The following UQCC1 variants were observed in gnomAD, a reference collection of about 807,000 sequenced individuals.
UQCC1 encodes bFGF-repressed Zic-binding protein.
UQCC1 carries 38 observed loss-of-function variants against 48.0 expected under a neutral mutation model. The observed-to-expected ratio is 0.79, with a 90% CI of 0.61 to 1.04. UQCC1 has a LOEUF of 1.04. Among genes scored for constraint, UQCC1 ranks in the 50% least tolerant of loss-of-function variants. The pLI, the probability that UQCC1 is intolerant of heterozygous loss-of-function variation, is 0.00. For synonymous variants in UQCC1, 111 were observed against 129.2 expected (o/e 0.86, Z 0.95); for missense variants, 368 against 381.8 (o/e 0.96, Z 0.30).
intron 1 of UQCC1, among the ~76,000 whole-genome samples, chr20:35,410,311 A>T (rs1170877785): frequency 6.6e-6 from 1 of 151,736 alleles, no homozygotes; most frequent in Non-Finnish European, 1.5e-5. Flanking sequence ...CAGGAGGCGG[A>T]TCATGAGGTC....
chr20:35,382,573 C>T (rs1263103627), intron 3 of UQCC1, among the ~76,000 whole-genome samples: 2 of 131,468 alleles, frequency 1.5e-5, no homozygotes, highest in African/African-American at 3.0e-5. Context: ...AGTGCAGTGG[C>T]GAGATCTCGG....
At chr20:35,390,385 G>A (rs2061999276) in intron 2 of UQCC1, among the ~76,000 whole-genome samples, 1 of 149,684 alleles carries the variant, frequency 6.7e-6, no homozygotes, top group African/African-American at 2.5e-5. Context: ...TTGCACCACT[G>A]CATTCCAGCC....
At position 35,313,201 on chromosome 20, in the gene UQCC1, C is replaced by T. The variant is rs540944329; in HGVS notation, c.651+1487G>A. On this transcript the variant is annotated intron_variant, in intron 8 of 9. Transcript: ENST00000374385. The stretch of plus-strand genomic sequence containing the variant: ...ACCATCCTGGCTAACACGGTGAAAC[C>T]CTGTCTCTACTAAAAATACAAAAAA... Among the ~76,000 whole-genome samples, 9 of 151,706 alleles carry T rather than the reference C, an allele frequency of 5.9e-5. No individual in the cohort carries two copies. In the East Asian group the frequency reaches 1.2e-3, roughly 20 times the overall value.
chr20:35,325,572 G>A (rs966681042), intron 7 of UQCC1, among the ~76,000 whole-genome samples: 8 of 152,194 alleles, frequency 5.3e-5, no homozygotes, highest in African/African-American at 1.9e-4. Context: ...AGCACGTATT[G>A]AGTAACTGCT....
At chr20:35,374,505 A>G (rs2061774002) in intron 4 of UQCC1, among the ~76,000 whole-genome samples, 1 of 152,212 alleles carries the variant, frequency 6.6e-6, no homozygotes, top group Non-Finnish European at 1.5e-5. Context: ...CAATATTTAA[A>G]TGAAATCTCT....
chr20:35,331,494 C>T (rs570907348), intron 7 of UQCC1, among the ~76,000 whole-genome samples: 1 of 152,030 alleles, frequency 6.6e-6, no homozygotes, highest in Non-Finnish European at 1.5e-5. Context: ...CCACAAAGGG[C>T]TTTCCCAAGA....
At chr20:35,394,569 A>G (rs1199895368) in intron 1 of UQCC1, among the ~76,000 whole-genome samples, 2 of 152,156 alleles carry the variant, frequency 1.3e-5, no homozygotes, top group Admixed American at 1.3e-4. Context: ...CCAGTGATTT[A>G]ATCAATCATG....
chr20:35,331,438 T>TA (rs1305100512), intron 7 of UQCC1, among the ~76,000 whole-genome samples: 1 of 143,062 alleles, frequency 7.0e-6, no homozygotes, highest in Non-Finnish European at 1.5e-5. Context: ...CAGAGCAGAG[T>TA]AGGAGGTGTG....
At chr20:35,323,751 G>C (rs2061158874) in intron 7 of UQCC1, among the ~76,000 whole-genome samples, 1 of 152,212 alleles carries the variant, frequency 6.6e-6, no homozygotes, top group African/African-American at 2.4e-5. Flanking sequence ...TGGGTCAGTA[G>C]ATCTTAGAAG....
intron 7 of UQCC1, among the ~76,000 whole-genome samples, chr20:35,331,440 G>A (rs2061256349): frequency 6.6e-6 from 1 of 151,396 alleles, no homozygotes; most frequent in South Asian, 2.1e-4. Context: ...GAGCAGAGTA[G>A]GAGGTGTGAG....
At chr20:35,304,140 C>T in intron 9 of UQCC1, 71 bp from the exon 10 acceptor site, 1 of 1,600,018 alleles carries the variant, frequency 6.2e-7, no homozygotes, top group Non-Finnish European at 8.5e-7. Flanking sequence ...CGTCAGGAAC[C>T]AGCCTCCCAG....
rs941658213 is a variant in UQCC1, at chr20:35,408,695, G to GA, written c.24+3244dup. ...AAGGAGACCCCATCTCTACAAAAAA[G>GA]AAAAAAAAAAGTAGCCAGGCGTGGT... On this transcript the variant is annotated intron_variant, in intron 1 of 9. Transcript: ENST00000374385. 3.4e-3 allele frequency among the ~76,000 whole-genome samples: 497 copies of GA among 145,496 alleles called. 1 individual carries two copies. The highest frequency in any genetic ancestry group is 7.7e-3 in the South Asian group (35 of 4,566).
chr20:35,402,270 C>A (rs997466262), intron 1 of UQCC1, among the ~76,000 whole-genome samples: 2 of 152,112 alleles, frequency 1.3e-5, no homozygotes, highest in African/African-American at 4.8e-5. Context: ...CAGTGAAACC[C>A]GTCTGTACTA....
intron 6 of UQCC1, among the ~76,000 whole-genome samples, chr20:35,359,973 C>A (rs2061588490): frequency 6.6e-6 from 1 of 152,182 alleles, no homozygotes; most frequent in Non-Finnish European, 1.5e-5. Flanking sequence ...GGCAAACAGA[C>A]AAGTTGGGTG....
chr20:35,347,130 T>C, intron 7 of UQCC1, 34 bp downstream of exon 7: 1 of 1,614,140 alleles, frequency 6.2e-7, no homozygotes, highest in Non-Finnish European at 8.5e-7. Flanking sequence ...TCTCTGGAAT[T>C]GTCCAGGACA....
At chr20:35,314,349 G>A (rs111276735) in intron 8 of UQCC1, among the ~76,000 whole-genome samples, 9 of 151,316 alleles carry the variant, frequency 5.9e-5, no homozygotes, top group African/African-American at 2.2e-4. Context: ...TGCTGTTTAC[G>A]TGAATATCCT....
chr20:35,400,325 C>T (rs541607736), intron 1 of UQCC1, among the ~76,000 whole-genome samples: 52 of 152,122 alleles, frequency 3.4e-4, no homozygotes, highest in African/African-American at 1.2e-3. Context: ...ATATATTAGG[C>T]CTATAACAAT....
intron 1 of UQCC1, among the ~76,000 whole-genome samples, chr20:35,405,572 A>G (rs893234059): frequency 1.3e-5 from 2 of 152,250 alleles, no homozygotes; most frequent in African/African-American, 4.8e-5. Context: ...TCAAAGATCT[A>G]AATGAAAATA....
At chr20:35,374,338 A>G (rs1465381804) in intron 4 of UQCC1, 82 bp from the exon 5 acceptor site, 1 of 1,046,440 alleles carries the variant, frequency 9.6e-7, no homozygotes, top group Non-Finnish European at 1.4e-6. Flanking sequence ...ACAAAATCTT[A>G]TATTTCTTCA....
Sources: gnomAD v4.1 joint callset for allele counts (sites outside exome capture counted in the v4.1 genomes callset) on GRCh38, gnomAD v4.1.1 for gene constraint, MANE v1.5 for transcripts, NCBI Gene and HGNC (gene_info 2026-07-23, HGNC 2026-07-21) for gene names.